KLHL29: variants seen among roughly 807,000 people sequenced by gnomAD.
KLHL29 encodes the protein kelch-like protein 29.
KLHL29 carries 21 observed loss-of-function variants against 80.4 expected under a neutral mutation model. The ratio of observed to expected loss-of-function variants is 0.26; its 90% CI spans 0.19 to 0.38. The LOEUF (loss-of-function observed/expected upper bound fraction) is 0.38, where lower values mean the gene tolerates loss of function less well. Ranked by LOEUF, KLHL29 falls within the 10% of genes least tolerant of loss-of-function variation. The pLI is 1.00. For synonymous variants in KLHL29, 511 were observed against 526.8 expected, an observed-to-expected ratio of 0.97 and a Z score of 0.41; for missense variants, 867 against 1,223.9, an observed-to-expected ratio of 0.71 and a Z score of 4.35.
intron 5 of KLHL29, among the ~76,000 whole-genome samples, chr2:23,652,954 C>CT (rs1363213247): frequency 2.0e-5 from 3 of 152,098 alleles, no homozygotes; most frequent in Non-Finnish European, 4.4e-5. Flanking sequence ...AGCAAGCGAA[C>CT]TTTCTGAATT....
intron 1 of KLHL29, among the ~76,000 whole-genome samples, chr2:23,401,075 G>A (rs1666588238): frequency 6.6e-6 from 1 of 152,224 alleles, no homozygotes; most frequent in South Asian, 2.1e-4. Context: ...GTGAAAGCCA[G>A]TTTCACCTGA....
chr2:23,649,423 C>T (rs1381301339), intron 5 of KLHL29, among the ~76,000 whole-genome samples: 1 of 152,194 alleles, frequency 6.6e-6, no homozygotes, highest in Non-Finnish European at 1.5e-5. Context: ...GAGGGTTGTC[C>T]AGGGCTTAAC....
intron 2 of KLHL29, among the ~76,000 whole-genome samples, chr2:23,540,547 A>G (rs926046824): frequency 9.2e-5 from 14 of 152,106 alleles, no homozygotes; most frequent in African/African-American, 3.4e-4. Context: ...TTACATCCCA[A>G]ACCTCATCTT....
At chr2:23,388,271 G>A (rs1666234344) in intron 1 of KLHL29, among the ~76,000 whole-genome samples, 1 of 152,200 alleles carries the variant, frequency 6.6e-6, no homozygotes, top group African/African-American at 2.4e-5. Context: ...CCAGGAGAAT[G>A]ACTTTTGCTA....
rs951390471 is a variant in KLHL29 at position 23,681,407 on chromosome 2, G to A, written c.941-2992G>A. 7.9e-5 allele frequency among the ~76,000 whole-genome samples: 12 copies of A among 152,230 alleles called. No individual in the cohort carries two copies. The highest frequency in any genetic ancestry group is 1.6e-4 in the Non-Finnish European group (11 of 68,028). Reference sequence around the variant, plus strand: ...TAGCTCCAGAATTCCTGGAGCAGAAGGTGTCACGGCCGGGGCTGGGGCTTT... The same window carrying A: ...TAGCTCCAGAATTCCTGGAGCAGAAAGTGTCACGGCCGGGGCTGGGGCTTT... On this transcript the variant is annotated intron_variant, in intron 5 of 13. Transcript: ENST00000486442. This position sits in a 1 kb window ranked among gnomAD's most constrained non-coding sequence, Gnocchi z 4.2.
chr2:23,532,484 C>T (rs1267283879), intron 2 of KLHL29: 3 of 439,038 alleles, frequency 6.8e-6, no homozygotes, highest in Non-Finnish European at 1.4e-5. Flanking sequence ...GGCACCCAGG[C>T]CCCTGCTAGT....
intron 3 of KLHL29, among the ~76,000 whole-genome samples, chr2:23,620,203 G>C (rs564927119): frequency 6.6e-6 from 1 of 152,328 alleles, no homozygotes; most frequent in African/African-American, 2.4e-5. Flanking sequence ...AGAGCATGAA[G>C]TGCCAGCCCA....
At chr2:23,631,691 A>G (rs1669473542) in intron 3 of KLHL29, among the ~76,000 whole-genome samples, 1 of 152,230 alleles carries the variant, frequency 6.6e-6, no homozygotes, top group Admixed American at 6.5e-5. Context: ...CAATCAGGAA[A>G]TGAGAACTGA....
In KLHL29 at chr2:23,695,879, C is replaced by T. The variant is rs2149212649; in HGVS notation, c.1741+58C>T. On this transcript the variant is annotated intron_variant, in intron 9 of 13. Transcript: ENST00000486442. This position sits in a 1 kb window ranked among gnomAD's most constrained non-coding sequence, Gnocchi z 7.6. The stretch of plus-strand genomic sequence containing the variant: ...AGCAGTGTCTTGGGCTCAGTGGTTC[C>T]AGTGAGGTGCCAGGCACAGATGCCG... 2.0e-6 allele frequency: 3 copies of T among 1,534,370 alleles called. No individual in the cohort carries two copies. In the South Asian group the frequency reaches 3.7e-5, roughly 19 times the overall value.
chr2:23,706,338 GAGGGCAAAGA>G lies in KLHL29; in HGVS notation c.2445-136_2445-127del, dbSNP rs546771288. 1.6e-4 allele frequency: 92 copies of G among 578,540 alleles called. No individual in the cohort carries two copies. In the African/African-American group the frequency reaches 1.7e-3, roughly 10 times the overall value. The allele number at this position is 578,540 out of a possible 1,614,324, so 35.8% of individuals were successfully genotyped here. A position where few individuals can be genotyped will look rare whatever the true frequency, so the allele number is the denominator to read the frequency against. ...GTTTTTCTTATGCCAGCCCAGGTTAGAGGGCAAAGAAGGGCAGCAAGATCCCAGATGCCTT... is the reference window on the plus strand; with the variant it reads ...GTTTTTCTTATGCCAGCCCAGGTTAGAGGGCAGCAAGATCCCAGATGCCTT... On this transcript the variant is annotated intron_variant, in intron 13 of 13. Coordinates refer to ENST00000486442, the MANE Select transcript of KLHL29 (RefSeq NM_052920.2).
chr2:23,486,979 G>A lies in KLHL29; in HGVS notation c.-46+11312G>A, dbSNP rs970538812. ...TCCTCCCAGTGGCCTTAGGGCTGTA[G>A]CTACTGTTGTTATCTCCTGTACCGA... On this transcript the variant is annotated intron_variant, in intron 2 of 13. Coordinates refer to ENST00000486442, the MANE Select transcript of KLHL29 (RefSeq NM_052920.2). 3.3e-5 allele frequency among the ~76,000 whole-genome samples: 5 copies of A among 152,202 alleles called. No homozygotes were observed. In the East Asian group the frequency reaches 7.7e-4, roughly 23 times the overall value.
chr2:23,467,954 G>A (rs1391277731), intron 1 of KLHL29, among the ~76,000 whole-genome samples: 1 of 151,790 alleles, frequency 6.6e-6, no homozygotes. Flanking sequence ...GGAAGAGAAG[G>A]CTCCATCTAG....
At chr2:23,509,406 G>T (rs1391781454) in intron 2 of KLHL29, among the ~76,000 whole-genome samples, 1 of 152,150 alleles carries the variant, frequency 6.6e-6, no homozygotes, top group Non-Finnish European at 1.5e-5. Context: ...CTGTGTGTGT[G>T]TTTAAGTTCA....
intron 1 of KLHL29, among the ~76,000 whole-genome samples, chr2:23,456,601 C>T (rs1040108468): frequency 6.6e-6 from 1 of 152,272 alleles, no homozygotes; most frequent in Non-Finnish European, 1.5e-5. Context: ...CCCGCGCCAG[C>T]TCTGCGGGGT....
chr2:23,503,495 T>C lies in KLHL29; in HGVS notation c.-46+27828T>C, dbSNP rs1412861389. Among the ~76,000 whole-genome samples the C allele has an allele frequency of 6.6e-6, 1 of 151,886 alleles. No individual in the cohort carries two copies. The highest frequency in any genetic ancestry group is 6.6e-5 in the Admixed American group (1 of 15,266). ...AGACTGGAAAATACAGACGAGGCCA[T>C]AGAAGTTAGTGTTGTCCTAGGGATG... On this transcript the variant is annotated intron_variant, in intron 2 of 13. Coordinates refer to ENST00000486442, the MANE Select transcript of KLHL29 (RefSeq NM_052920.2). The surrounding 1 kb of genome is among the most constrained non-coding windows in gnomAD (Gnocchi z 4.0).
chr2:23,678,266 C>T (rs931172799), intron 5 of KLHL29, among the ~76,000 whole-genome samples: 2 of 152,186 alleles, frequency 1.3e-5, no homozygotes, highest in Non-Finnish European at 2.9e-5. Context: ...TGCCACTTGC[C>T]GCTGCATCCA....
intron 3 of KLHL29, among the ~76,000 whole-genome samples, chr2:23,635,398 T>TC (rs1328774133): frequency 6.6e-6 from 1 of 152,024 alleles, no homozygotes; most frequent in Non-Finnish European, 1.5e-5. Context: ...CACAGCTGGT[T>TC]CCCCCCAAGC....
chr2:23,422,929 G>A lies in KLHL29; in HGVS notation c.-154+37149G>A, dbSNP rs983860661. On this transcript the variant is annotated intron_variant, in intron 1 of 13. Transcript: ENST00000486442. ...GAGCCTGCGAGGGATCCAGTCACTC[G>A]CCCACACCTCTGTTGGTGAAATGCC... is the stretch of plus-strand genomic sequence containing the variant. Among the ~76,000 whole-genome samples, 9 of 152,234 alleles carry A rather than the reference G, an allele frequency of 5.9e-5. No individual in the cohort carries two copies. The South Asian group carries it at 6.2e-4, about 11-fold the overall frequency.
intron 1 of KLHL29, among the ~76,000 whole-genome samples, chr2:23,448,470 T>C (rs1237321283): frequency 6.6e-6 from 1 of 152,142 alleles, no homozygotes; most frequent in Non-Finnish European, 1.5e-5. Context: ...TCACCAGCTA[T>C]TTAAGAAAAG....
Sources: allele counts gnomAD v4.1 joint callset (sites outside exome capture counted in the v4.1 genomes callset), GRCh38; gene constraint gnomAD v4.1.1; non-coding constraint Gnocchi (gnomAD v3.1); transcripts MANE v1.5; gene names NCBI Gene and HGNC (gene_info 2026-07-23, HGNC 2026-07-21).